Variants in PRDM16 observed in about 807,000 individuals in gnomAD.
The protein encoded by PRDM16 is histone-lysine N-methyltransferase PRDM16.
A neutral mutation model predicts 110.6 loss-of-function variants in PRDM16; 23 were observed. That is an observed-to-expected ratio of 0.21 (90% CI 0.15 to 0.29). PRDM16 has a LOEUF of 0.29. Ranked by LOEUF, PRDM16 falls within the 10% of genes least tolerant of loss-of-function variation. PRDM16 has a pLI of 1.00. For missense variants in PRDM16, 1,615 were observed against 1,794.3 expected (o/e 0.90, Z 1.81); for synonymous variants, 799 against 781.8 (o/e 1.02, Z -0.37).
rs1301606085 is a variant in PRDM16, at chr1:3,433,732, A to C, written c.3752A>C (p.Gln1251Pro). Residue 1251 changes from glutamine to proline, a missense_variant, in exon 17 of 17, where the codon CAG becomes CCG. Physicochemically the swap from Gln to Pro is moderately conservative, Grantham distance 76. Coordinates refer to ENST00000270722, the MANE Select transcript of PRDM16 (RefSeq NM_022114.4). ...SEDTPLHTPS[Q>P]GSLDAWLKVT... ...GACACTCCTCTCCACACCCCCTCCC[A>C]GGGTTCTCTGGACGCTTGGTTGAAG... 1 of 1,613,940 alleles carries C rather than the reference A, an allele frequency of 6.2e-7. No homozygotes were observed. Among genetic ancestry groups the C allele is most frequent in the South Asian group, 1.1e-5 (1 of 91,086 alleles).
At chr1:3,187,658 G>A (rs1043210229) in intron 2 of PRDM16, among the ~76,000 whole-genome samples, 27 of 152,286 alleles carry the variant, frequency 1.8e-4, no homozygotes, top group Middle Eastern at 3.4e-3. Flanking sequence ...TGCCCCGCAC[G>A]CTGCAGAGCT....
At chr1:3,391,555 G>A (rs1643300611) in intron 4 of PRDM16, among the ~76,000 whole-genome samples, 1 of 152,332 alleles carries the variant, frequency 6.6e-6, no homozygotes, top group East Asian at 1.9e-4. Flanking sequence ...ACACAACTAA[G>A]AAACAGATAA....
intron 3 of PRDM16, among the ~76,000 whole-genome samples, chr1:3,346,008 C>T (rs1012331542): frequency 2.0e-5 from 3 of 152,228 alleles, no homozygotes; most frequent in African/African-American, 4.8e-5. Flanking sequence ...TGCCTGTGAG[C>T]GTGCATATCA....
intron 1 of PRDM16, among the ~76,000 whole-genome samples, chr1:3,087,993 T>C (rs1162476648): frequency 6.6e-6 from 1 of 151,916 alleles, no homozygotes; most frequent in Non-Finnish European, 1.5e-5. Flanking sequence ...GGTGCCGCCT[T>C]CTTCTTGCCC....
chr1:3,384,056 T>C (rs1483436146), intron 3 of PRDM16, among the ~76,000 whole-genome samples: 1 of 139,026 alleles, frequency 7.2e-6, no homozygotes, highest in African/African-American at 2.8e-5. Flanking sequence ...CAAGGACACA[T>C]ATGCCCACCG....
chr1:3,411,274 C>T, intron 8 of PRDM16, 110 bp from the exon 9 acceptor site: 1 of 1,174,910 alleles, frequency 8.5e-7, no homozygotes, highest in South Asian at 1.5e-5. Flanking sequence ...CTTCCAGCCC[C>T]AGCCTCGCCC....
chr1:3,254,200 C>T (rs1176598882), intron 3 of PRDM16, among the ~76,000 whole-genome samples: 1 of 152,156 alleles, frequency 6.6e-6, no homozygotes, highest in Non-Finnish European at 1.5e-5. Context: ...TGCAGAAGCT[C>T]TTTAGTTTAA....
intron 1 of PRDM16, among the ~76,000 whole-genome samples, chr1:3,104,741 C>T (rs770752601): frequency 1.3e-5 from 2 of 152,306 alleles, no homozygotes; most frequent in South Asian, 4.1e-4. Context: ...CACCTCCCCA[C>T]GTCACCTGGC....
intron 1 of PRDM16, among the ~76,000 whole-genome samples, chr1:3,135,889 C>A (rs549432862): frequency 6.6e-6 from 1 of 152,224 alleles, no homozygotes; most frequent in Admixed American, 6.5e-5. Flanking sequence ...TCCTTGTTGT[C>A]GCAGCCTACA....
chr1:3,107,479 A>G (rs2100631612), intron 1 of PRDM16, among the ~76,000 whole-genome samples: 1 of 152,348 alleles, frequency 6.6e-6, no homozygotes, highest in Admixed American at 6.5e-5. Flanking sequence ...TAATGTAAAT[A>G]GAGCAATCCT....
At chr1:3,228,029 G>A (rs1320486769) in intron 2 of PRDM16, among the ~76,000 whole-genome samples, 5 of 152,218 alleles carry the variant, frequency 3.3e-5, no homozygotes, top group African/African-American at 4.8e-5. Context: ...ATGTTGTTCC[G>A]CTCCGGGAAA....
chr1:3,406,895 T>C (rs2100650083), intron 8 of PRDM16, among the ~76,000 whole-genome samples: 1 of 152,314 alleles, frequency 6.6e-6, no homozygotes, highest in South Asian at 2.1e-4. Flanking sequence ...AGTCATCGCT[T>C]CCCAAGCATT....
Position 3,089,410 on chromosome 1 carries a change from T to C in PRDM16, c.37+20114T>C, listed in dbSNP as rs548965925. On this transcript the variant is annotated intron_variant, in intron 1 of 16. Transcript: ENST00000270722. The stretch of plus-strand genomic sequence containing the variant: ...TGCCTCCACCTGGCTGCACCCTCCA[T>C]GGTTTGGGAACTCGGAGCTGAGGGA... 3.3e-5 allele frequency among the ~76,000 whole-genome samples: 5 copies of C among 152,320 alleles called. No homozygotes were observed. The South Asian group carries it at 1.0e-3, about 32-fold the overall frequency.
intron 3 of PRDM16, among the ~76,000 whole-genome samples, chr1:3,356,105 A>G (rs577395040): frequency 6.6e-6 from 1 of 152,296 alleles, no homozygotes; most frequent in South Asian, 2.1e-4. Flanking sequence ...AAACGGTGCC[A>G]TTGGCTTTTC....
At chr1:3,172,346 G>C (rs1057266508) in intron 1 of PRDM16, among the ~76,000 whole-genome samples, 22 of 152,164 alleles carry the variant, frequency 1.4e-4, no homozygotes, top group African/African-American at 4.8e-4. Context: ...AGGGTGGTGG[G>C]GGAAGTCAAC....
chr1:3,154,821 A>C (rs376974191), intron 1 of PRDM16, among the ~76,000 whole-genome samples: 1 of 152,356 alleles, frequency 6.6e-6, no homozygotes, highest in East Asian at 1.9e-4. Flanking sequence ...AAAAACTGCT[A>C]GAAAAATCCC....
chr1:3,414,515 G>A, intron 9 of PRDM16, 45 bp from the exon 10 acceptor site: 4 of 1,486,940 alleles, frequency 2.7e-6, no homozygotes, highest in South Asian at 2.3e-5. Flanking sequence ...GCTCGGCGGG[G>A]CGGGCGGCTC....
At chr1:3,150,156 G>A (rs1643749358) in intron 1 of PRDM16, among the ~76,000 whole-genome samples, 1 of 152,232 alleles carries the variant, frequency 6.6e-6, no homozygotes, top group African/African-American at 2.4e-5. Flanking sequence ...GCCTCGCACT[G>A]CGTAGGGGGA....
chr1:3,347,072 A>T (rs974551036), intron 3 of PRDM16, among the ~76,000 whole-genome samples: 4 of 152,138 alleles, frequency 2.6e-5, no homozygotes, highest in East Asian at 1.9e-4. Flanking sequence ...AGGGCCTCAC[A>T]GGTGTCCAGG....
Sources: allele counts gnomAD v4.1 joint callset (sites outside exome capture counted in the v4.1 genomes callset), GRCh38; gene constraint gnomAD v4.1.1; transcripts MANE v1.5; gene names NCBI Gene and HGNC (gene_info 2026-07-23, HGNC 2026-07-21).